ARHGAP11B: variants seen among roughly 807,000 people sequenced by gnomAD.
ARHGAP11B encodes the protein Rho GTPase activating protein 11B, also known as inactive Rho GTPase-activating protein 11B.
In ARHGAP11B, 14 loss-of-function variants were observed where a neutral mutation model predicts 27.6. The ratio of observed to expected loss-of-function variants is 0.51; its 90% CI spans 0.34 to 0.79. The LOEUF (loss-of-function observed/expected upper bound fraction) is 0.79. Among genes scored for constraint, ARHGAP11B ranks in the 30% least tolerant of loss-of-function variants. The probability of loss-of-function intolerance (pLI) is 0.02; values close to 1 mark genes in which losing one functional copy is unlikely to be tolerated. For missense variants in ARHGAP11B, 245 were observed against 320.1 expected (o/e 0.77, Z 1.79); for synonymous variants, 82 against 114.1 (o/e 0.72, Z 1.80).
intron 7 of ARHGAP11B, among the ~76,000 whole-genome samples, chr15:30,642,745 C>T (rs1199652736): frequency 1.3e-5 from 2 of 152,002 alleles, no homozygotes; most frequent in Non-Finnish European, 2.9e-5. Context: ...GTGCCTATCC[C>T]TGCCTTGTAT....
chr15:30,633,487 C>A lies in ARHGAP11B; in HGVS notation c.201-3C>A, dbSNP rs761844361. On this transcript the variant is annotated splice_region_variant and splice_polypyrimidine_tract_variant and intron_variant, in intron 2 of 10. Transcript: ENST00000428041. ...TAGCCACCTGAAAAAATCTCTCTTT[C>A]AGCTTTCTTGTCGATGCTTGCACAT... is the stretch of plus-strand genomic sequence containing the variant. 1 of 1,608,072 alleles carries A rather than the reference C, an allele frequency of 6.2e-7. No individual in the cohort carries two copies. Among genetic ancestry groups the A allele is most frequent in the Non-Finnish European group, 8.5e-7 (1 of 1,177,866 alleles).
chr15:30,640,133 G>A (rs892301432), intron 7 of ARHGAP11B, among the ~76,000 whole-genome samples: 3 of 137,648 alleles, frequency 2.2e-5, no homozygotes, highest in Non-Finnish European at 4.7e-5. Context: ...AGTTACATCT[G>A]GGTCTATAGC....
rs1224826820 is a variant in ARHGAP11B, at chr15:30,637,393, G to A, written c.*4-1353G>A. On this transcript the variant is annotated intron_variant, in intron 6 of 10. Coordinates refer to ENST00000428041, the Ensembl canonical transcript of ARHGAP11B. ...TACCATCTATAATCAGACAGTTTTT[G>A]TGTCATATAAGATTCTATCTCCATA... Among the ~76,000 whole-genome samples the A allele has an allele frequency of 1.8e-4, 28 of 152,008 alleles. No individual in the cohort carries two copies. In the South Asian group the frequency reaches 1.9e-3, roughly 10 times the overall value.
chr15:30,627,003 A>G (rs1472411365), intron 1 of ARHGAP11B, 54 bp downstream of exon 1: 3 of 1,608,592 alleles, frequency 1.9e-6, no homozygotes, highest in Non-Finnish European at 2.5e-6. Flanking sequence ...ACCCTTTATC[A>G]TCACTTATTA....
chr15:30,645,196 G>C lies in ARHGAP11B; in HGVS notation c.*142+494G>C, dbSNP rs2648152. ...GTTGAGCTAATGAAAATCTTATTTA[G>C]GGTGAAAGTCAGAAATTTTTACATA... On this transcript the variant is annotated intron_variant, in intron 8 of 10. Coordinates refer to ENST00000428041, the Ensembl canonical transcript of ARHGAP11B. 2.3e-3 allele frequency among the ~76,000 whole-genome samples: 346 copies of C among 152,030 alleles called. 4 individuals carry two copies. Among genetic ancestry groups the C allele is most frequent in the African/African-American group, 2.8e-3 (118 of 41,500 alleles).
exon 6 of ARHGAP11B, chr15:30,635,631 G>A (rs2060275407): frequency 6.2e-7 from 1 of 1,613,220 alleles, no homozygotes; most frequent in African/African-American, 1.3e-5. Flanking sequence ...CAACGTGTAG[G>A]AGGTAAGTGG....
chr15:30,627,498 A>T (rs1456380489), intron 1 of ARHGAP11B, among the ~76,000 whole-genome samples: 3 of 152,066 alleles, frequency 2.0e-5, no homozygotes, highest in Non-Finnish European at 2.9e-5. Flanking sequence ...GCTTCAAATG[A>T]TGACTGCATA....
chr15:30,629,810 T>C (rs1231961923), intron 1 of ARHGAP11B, among the ~76,000 whole-genome samples: 2 of 152,088 alleles, frequency 1.3e-5, no homozygotes, highest in East Asian at 3.9e-4. Flanking sequence ...TACTTCAGCA[T>C]TCACAGAGCA....
At chr15:30,628,695 A>G (rs941483650) in intron 1 of ARHGAP11B, among the ~76,000 whole-genome samples, 1 of 152,120 alleles carries the variant, frequency 6.6e-6, no homozygotes, top group Non-Finnish European at 1.5e-5. Flanking sequence ...AACACTTATA[A>G]GAATATTCTA....
At chr15:30,646,457 T>C (rs2060348563) in intron 9 of ARHGAP11B, among the ~76,000 whole-genome samples, 1 of 152,004 alleles carries the variant, frequency 6.6e-6, no homozygotes, top group African/African-American at 2.4e-5. Context: ...GGTCTTAAAG[T>C]AGATGAGAGT....
exon 1 of ARHGAP11B, chr15:30,626,787 T>A: frequency 1.2e-6 from 2 of 1,609,780 alleles, no homozygotes; most frequent in Non-Finnish European, 1.7e-6. Context: ...GGTCAGGACC[T>A]GCATCCTGCC....
intron 2 of ARHGAP11B, among the ~76,000 whole-genome samples, chr15:30,631,874 C>T (rs955265599): frequency 3.3e-5 from 5 of 150,232 alleles, no homozygotes; most frequent in African/African-American, 1.2e-4. Context: ...GCAACCTTCA[C>T]CTCCTGGGTT....
chr15:30,633,459 G>A, intron 2 of ARHGAP11B, 31 bp from the exon 3 acceptor site: 6 of 1,585,196 alleles, frequency 3.8e-6, no homozygotes, highest in Non-Finnish European at 5.2e-6. Context: ...TGATATGTAT[G>A]TCTAGCCACC....
intron 2 of ARHGAP11B, among the ~76,000 whole-genome samples, chr15:30,631,825 C>T (rs1315252674): frequency 1.2e-4 from 17 of 139,558 alleles, no homozygotes; most frequent in East Asian, 2.1e-4. Context: ...TCGCTCTTGT[C>T]GCCCAGGCTG....
At chr15:30,631,617 TG>T in intron 2 of ARHGAP11B, among the ~76,000 whole-genome samples, 1 of 152,224 alleles carries the variant, frequency 6.6e-6, no homozygotes, top group Non-Finnish European at 1.5e-5. Flanking sequence ...CAGTGAGCTA[TG>T]CTCATTGCCA....
intron 7 of ARHGAP11B, among the ~76,000 whole-genome samples, chr15:30,641,304 C>G (rs1450483397): frequency 6.7e-6 from 1 of 150,326 alleles, no homozygotes; most frequent in Non-Finnish European, 1.5e-5. Flanking sequence ...CAACATTAGT[C>G]TGTAGTCCAT....
chr15:30,626,274 G>C (rs1372211566), exon 1 of ARHGAP11B: 1 of 152,770 alleles, frequency 6.5e-6, no homozygotes, highest in Non-Finnish European at 1.5e-5. Flanking sequence ...CGGGGTGACG[G>C]CGGCTACCAG....
intron 2 of ARHGAP11B, among the ~76,000 whole-genome samples, chr15:30,632,057 A>T (rs1289288879): frequency 6.8e-6 from 1 of 146,404 alleles, no homozygotes; most frequent in Non-Finnish European, 1.5e-5. Flanking sequence ...AAGTGCTAGG[A>T]TTACAGGCGT....
In ARHGAP11B at chr15:30,635,479, T is replaced by G. The variant is rs2060273829; in HGVS notation, c.661-8T>G. ...ATAATTGTCTTACTTGTGAACATTT[T>G]CATTTAGGGCGTGTACCAGACTTTA... On this transcript the variant is annotated splice_region_variant and splice_polypyrimidine_tract_variant and intron_variant, in intron 5 of 10. Transcript: ENST00000428041. 1 of 1,611,630 alleles carries G rather than the reference T, an allele frequency of 6.2e-7. No individual in the cohort carries two copies. The highest frequency in any genetic ancestry group is 8.5e-7 in the Non-Finnish European group (1 of 1,179,196).
Sources: gnomAD v4.1 joint callset for allele counts (sites outside exome capture counted in the v4.1 genomes callset) on GRCh38, gnomAD v4.1.1 for gene constraint, MANE v1.5 for transcripts, NCBI Gene and HGNC (gene_info 2026-07-23, HGNC 2026-07-21) for gene names.